The following TFAP2C variants were observed in gnomAD, a reference collection of about 807,000 sequenced individuals.
TFAP2C encodes activating enhancer-binding protein 2 gamma.
TFAP2C carries 9 observed loss-of-function variants against 42.9 expected under a neutral mutation model. That is an observed-to-expected ratio of 0.21 (90% CI 0.13 to 0.37). The LOEUF is 0.37. TFAP2C is among the 10% of genes least tolerant of loss of function. The pLI is 1.00. For synonymous variants in TFAP2C, 264 were observed against 256.0 expected (o/e 1.03, Z -0.30); for missense variants, 462 against 591.7 (o/e 0.78, Z 2.27).
In TFAP2C at chr20:56,632,632, T is replaced by A. The variant is rs1227713423; in HGVS notation, c.587-721T>A. On this transcript the variant is annotated intron_variant, in intron 3 of 6. Transcript: ENST00000201031. Reference sequence around the variant, plus strand: ...AAAGACTACAAATTTTCAGTAAACTTAGAACGTATTAGTTTGGATGATTAA... The same window carrying A: ...AAAGACTACAAATTTTCAGTAAACTAAGAACGTATTAGTTTGGATGATTAA... Among the ~76,000 whole-genome samples, 3 of 152,220 alleles carry A rather than the reference T, an allele frequency of 2.0e-5. No homozygotes were observed. The East Asian group carries it at 5.8e-4, about 29-fold the overall frequency.
At chr20:56,632,198 C>G (rs1427526177) in intron 3 of TFAP2C, among the ~76,000 whole-genome samples, 1 of 152,168 alleles carries the variant, frequency 6.6e-6, no homozygotes, top group Non-Finnish European at 1.5e-5. Flanking sequence ...ACAGGCACAC[C>G]TTCGTTGAGT....
At chr20:56,632,379 A>AG (rs1987508850) in intron 3 of TFAP2C, among the ~76,000 whole-genome samples, 1 of 152,220 alleles carries the variant, frequency 6.6e-6, no homozygotes, top group South Asian at 2.1e-4. Context: ...GATCTGTCAG[A>AG]GGGAGAGTTT....
rs1340517905 is a variant in TFAP2C, at chr20:56,630,608, TC to T, written c.49-594del. ...AGGGAGGGCCGCCCTGTGCGCGCGC[TC>T]CCTCTTCACTTCCCAGGGCGGCGCA... is the stretch of plus-strand genomic sequence containing the variant. On this transcript the variant is annotated intron_variant, in intron 1 of 6. Transcript: ENST00000201031. This position sits in a 1 kb window ranked among gnomAD's most constrained non-coding sequence, Gnocchi z 5.1. 2 of 859,332 alleles carry T rather than the reference TC, an allele frequency of 2.3e-6. No individual in the cohort carries two copies. The highest frequency in any genetic ancestry group is 1.2e-4 in the East Asian group (1 of 8,160). The allele number at this position is 859,332 out of a possible 1,614,324, so 53.2% of individuals were successfully genotyped here. A position where few individuals can be genotyped will look rare whatever the true frequency, so the allele number is the denominator to read the frequency against.
At position 56,638,070 on chromosome 20, in the gene TFAP2C, TCTC is replaced by T. The variant is rs1427283752; in HGVS notation, c.*59_*61del. ...GAAGGAACAGGACTGCAAAAATCCT[TCTC>T]CACCGCACAGACTGGGAACCCCTCC... is the stretch of plus-strand genomic sequence containing the variant. On this transcript the variant is annotated 3_prime_UTR_variant, in exon 7 of 7. Transcript: ENST00000201031. 5.3e-6 allele frequency: 8 copies of T among 1,505,390 alleles called. No homozygotes were observed. The Admixed American group carries it at 1.6e-4, about 29-fold the overall frequency. 93.3% of individuals were successfully genotyped at this position (1,505,390 alleles called of 1,614,324 possible).
Position 56,631,643 on chromosome 20 carries a change from G to T in TFAP2C, c.487G>T (p.Glu163Ter). 2 of 1,580,536 alleles carry T rather than the reference G, an allele frequency of 1.3e-6. No homozygotes were observed. The highest frequency in any genetic ancestry group is 2.3e-5 in the East Asian group (1 of 43,750). ...AHALDAAGLA[E>*]NLGLHDMPHQ... ...CGCCCTGGATGCCGCGGGCCTGGCC[G>T]AGAACCTGGGGCTCCACGACATGCC... The change falls in exon 2 of 7, where the codon GAG (glutamate) becomes TAG (stop). Residue 163 changes from glutamate (E) to a stop codon, truncating the protein, a stop_gained. Transcript: ENST00000201031. LOFTEE classifies it high-confidence loss of function. This position sits in a 1 kb window ranked among gnomAD's most constrained non-coding sequence, Gnocchi z 6.1.
chr20:56,634,170 G>C lies in TFAP2C; in HGVS notation c.824G>C (p.Gly275Ala). 6.2e-7 allele frequency: 1 copy of C among 1,613,734 alleles called. No individual in the cohort carries two copies. The highest frequency in any genetic ancestry group is 8.5e-7 in the Non-Finnish European group (1 of 1,179,922). Residue 275 changes from glycine to alanine, a missense_variant, in exon 5 of 7, where the codon GGC becomes GCC. By Grantham distance (60) the Gly-to-Ala change is moderately conservative. Coordinates refer to ENST00000201031, the MANE Select transcript of TFAP2C (RefSeq NM_003222.4). ...CTTAGAGCCAAATCGAAAAATGGAGGCCGGTCCTTGCGGGAGAAGTTGGAC... is the reference window on the plus strand; with the variant it reads ...CTTAGAGCCAAATCGAAAAATGGAGCCCGGTCCTTGCGGGAGAAGTTGGAC... ...VLRRAKSKNG[G>A]RSLREKLDKI...
chr20:56,637,847 T>G lies in TFAP2C; in HGVS notation c.1187T>G (p.Ile396Ser). The G allele has an allele frequency of 1.9e-6, 3 of 1,609,696 alleles. No homozygotes were observed. The highest frequency in any genetic ancestry group is 2.6e-6 in the Non-Finnish European group (3 of 1,175,974). Reference protein sequence around the residue: ...IQNCLSHFSLITHGFGSQAIC... With the variant: ...IQNCLSHFSLSTHGFGSQAIC... ...AACTGCTTGTCTCATTTCAGCCTGA[T>G]TACCCACGGGTTTGGCAGCCAGGCC... Residue 396 changes from isoleucine (I) to serine (S), a missense_variant, in exon 7 of 7, where the codon ATT becomes AGT. Around this residue, in one of 5 missense-constraint regions of TFAP2C, gnomAD observed 130 missense variants for 160.8 expected, o/e 0.81. Transcript: ENST00000201031.
Position 56,631,846 on chromosome 20 carries a change from C to T in TFAP2C, c.576C>T (p.Val192=), listed in dbSNP as rs2146446753. 1 of 1,614,230 alleles carries T rather than the reference C, an allele frequency of 6.2e-7. No homozygotes were observed. Among genetic ancestry groups the T allele is most frequent in the South Asian group, 1.1e-5 (1 of 91,082 alleles). ...ACCTGTTGCTGCACGATCAGACAGT[C>T]ATTCGCAAAGGTAAATAGCAAGGTG... The part of the protein sequence containing the change: ...DQHLLLHDQT[V]IRKGPISMTK... Residue 192 remains valine, a synonymous_variant, in exon 3 of 7, where the codon GTC becomes GTT. Transcript: ENST00000201031. The surrounding 1 kb of genome is among the most constrained non-coding windows in gnomAD (Gnocchi z 6.1).
rs1987489718 is a variant in TFAP2C, at chr20:56,631,496, C to G, written c.340C>G (p.Leu114Val). 6.6e-7 allele frequency: 1 copy of G among 1,510,476 alleles called. No homozygotes were observed. The highest frequency in any genetic ancestry group is 8.8e-7 in the Non-Finnish European group (1 of 1,135,516). The allele number at this position is 1,510,476 out of a possible 1,614,324, so 93.6% of individuals were successfully genotyped here. Reference sequence around the variant, plus strand: ...CCGCCAGAGCCAGGAGGGAGCGGGGCTGCCCTCGCACCACGGGCGCCCGGC... The same window carrying G: ...CCGCCAGAGCCAGGAGGGAGCGGGGGTGCCCTCGCACCACGGGCGCCCGGC... ...PGRQSQEGAGLPSHHGRPAGL... is the reference protein window; with the variant it reads ...PGRQSQEGAGVPSHHGRPAGL... Residue 114 changes from leucine to valine, a missense_variant, in exon 2 of 7, where the codon CTG becomes GTG. Around this residue, in one of 5 missense-constraint regions of TFAP2C, gnomAD observed 271 missense variants for 269.7 expected, o/e 1.00. Coordinates refer to ENST00000201031, the MANE Select transcript of TFAP2C (RefSeq NM_003222.4). This position sits in a 1 kb window ranked among gnomAD's most constrained non-coding sequence, Gnocchi z 6.1.
At chr20:56,637,646 C>T (rs1987610503) in intron 6 of TFAP2C, 82 bp from the exon 7 acceptor site, 2 of 1,444,560 alleles carry the variant, frequency 1.4e-6, no homozygotes, top group Admixed American at 2.0e-5. Context: ...TCCCGGGCGC[C>T]AGCCTCAGTG....
rs1005513452 is a variant in TFAP2C, at chr20:56,629,798, G to A, written c.48+206G>A. Among the ~76,000 whole-genome samples, 1 of 152,128 alleles carries A rather than the reference G, an allele frequency of 6.6e-6. No individual in the cohort carries two copies. The highest frequency in any genetic ancestry group is 6.5e-5 in the Admixed American group (1 of 15,278). On this transcript the variant is annotated intron_variant, in intron 1 of 6. Coordinates refer to ENST00000201031, the MANE Select transcript of TFAP2C (RefSeq NM_003222.4). This position sits in a 1 kb window ranked among gnomAD's most constrained non-coding sequence, Gnocchi z 5.9. ...TCCTAAATAGCCTCCCCTCGGGAAC[G>A]AGGCCTGGAAAGAGAATGGCAAATC... is the stretch of plus-strand genomic sequence containing the variant.
In TFAP2C at chr20:56,637,905, C is replaced by T. The variant is rs1381825503; in HGVS notation, c.1245C>T (p.Tyr415=). 1.2e-6 allele frequency: 2 copies of T among 1,609,290 alleles called. No homozygotes were observed. The highest frequency in any genetic ancestry group is 1.7e-6 in the Non-Finnish European group (2 of 1,175,598). ...ICAAVSALQN[Y]IKEALIVIDK... Reference sequence around the variant, plus strand: ...CCGCGGTGTCTGCCCTGCAGAACTACATCAAAGAAGCCCTGATTGTCATAG... The same window carrying T: ...CCGCGGTGTCTGCCCTGCAGAACTATATCAAAGAAGCCCTGATTGTCATAG... The change falls in exon 7 of 7, where the codon TAC becomes TAT. Residue 415 remains tyrosine, a synonymous_variant. Coordinates refer to ENST00000201031, the MANE Select transcript of TFAP2C (RefSeq NM_003222.4).
rs34794327 is a variant in TFAP2C, at chr20:56,638,659, C to CTTTT, written c.*664_*667dup. ...AAGCCTGCTGATTGATTTTTTTCTC[C>CTTTT]TTTTTTTTTTTTTTTTTTTTTAACT... On this transcript the variant is annotated 3_prime_UTR_variant, in exon 7 of 7. Coordinates refer to ENST00000201031, the MANE Select transcript of TFAP2C (RefSeq NM_003222.4). 1 of 124,570 alleles carries CTTTT rather than the reference C, an allele frequency of 8.0e-6. No homozygotes were observed. The highest frequency in any genetic ancestry group is 8.3e-5 in the Admixed American group (1 of 11,992). 7.7% of individuals were successfully genotyped at this position (124,570 alleles called of 1,614,324 possible). A position where few individuals can be genotyped will look rare whatever the true frequency, so the allele number is the denominator to read the frequency against.
chr20:56,632,948 G>A (rs1034766175), intron 3 of TFAP2C, among the ~76,000 whole-genome samples: 9 of 152,180 alleles, frequency 5.9e-5, no homozygotes, highest in African/African-American at 2.2e-4. Flanking sequence ...CCATGGCCAG[G>A]TGCAGTGGCT....
At chr20:56,635,359 A>G (rs1048676323) in intron 5 of TFAP2C, among the ~76,000 whole-genome samples, 4 of 152,058 alleles carry the variant, frequency 2.6e-5, no homozygotes, top group African/African-American at 4.8e-5. Flanking sequence ...GGTTTTTGCA[A>G]AGCTCACCAG....
Position 56,638,060 on chromosome 20 carries a change from CA to C in TFAP2C, c.*52del. On this transcript the variant is annotated 3_prime_UTR_variant, in exon 7 of 7. Transcript: ENST00000201031. ...GGAGAGTAGGGAAGGAACAGGACTG[CA>C]AAAATCCTTCTCCACCGCACAGACT... 1 of 1,543,176 alleles carries C rather than the reference CA, an allele frequency of 6.5e-7. No individual in the cohort carries two copies. Among genetic ancestry groups the C allele is most frequent in the Non-Finnish European group, 8.8e-7 (1 of 1,138,400 alleles).
intron 3 of TFAP2C, among the ~76,000 whole-genome samples, chr20:56,632,747 C>G (rs1426492614): frequency 1.3e-5 from 2 of 151,600 alleles, no homozygotes; most frequent in East Asian, 1.9e-4. Flanking sequence ...AAAAACTCAC[C>G]GTTTATTTAG....
At chr20:56,635,223 G>A (rs1473470841) in intron 5 of TFAP2C, among the ~76,000 whole-genome samples, 1 of 152,226 alleles carries the variant, frequency 6.6e-6, no homozygotes, top group South Asian at 2.1e-4. Context: ...TGTCCTGCCT[G>A]TAGAATCGGC....
chr20:56,630,764 G>A lies in TFAP2C; in HGVS notation c.49-441G>A. The stretch of plus-strand genomic sequence containing the variant: ...CGCGCACTCTATCCGCGCCTGCCGC[G>A]CTGCCACCTCCAGCAGTCCCTGCGT... On this transcript the variant is annotated intron_variant, in intron 1 of 6. Transcript: ENST00000201031. This position sits in a 1 kb window ranked among gnomAD's most constrained non-coding sequence, Gnocchi z 5.1. The A allele has an allele frequency of 2.0e-6, 2 of 985,338 alleles. No homozygotes were observed. The highest frequency in any genetic ancestry group is 2.4e-6 in the Non-Finnish European group (2 of 829,908). 61.0% of individuals were successfully genotyped at this position (985,338 alleles called of 1,614,324 possible). A position where few individuals can be genotyped will look rare whatever the true frequency, so the allele number is the denominator to read the frequency against.
Sources: allele counts gnomAD v4.1 joint callset (sites outside exome capture counted in the v4.1 genomes callset), GRCh38; gene constraint gnomAD v4.1.1; regional missense constraint gnomAD v4.1.1; non-coding constraint Gnocchi (gnomAD v3.1); transcripts MANE v1.5; gene names NCBI Gene and HGNC (gene_info 2026-07-23, HGNC 2026-07-21).